The following FAM13B variants were observed in gnomAD, a reference collection of about 807,000 sequenced individuals.
FAM13B encodes family with sequence similarity 13 member B, also known as protein FAM13B.
Under a neutral mutation model 117.3 loss-of-function variants are expected in FAM13B, and 60 were observed. The observed-to-expected ratio is 0.51, with a 90% confidence interval of 0.42 to 0.63. The LOEUF is 0.63. Among genes scored for constraint, FAM13B ranks in the 30% least tolerant of loss-of-function variants. FAM13B has a pLI of 0.00. For missense variants in FAM13B, 972 were observed against 1,091.9 expected (o/e 0.89, Z 1.55); for synonymous variants, 332 against 356.1 (o/e 0.93, Z 0.76).
rs1352352418 is a variant in FAM13B, at chr5:137,985,394, G to A, written c.1047-5C>T. ...ATATCATCAGCAATATCAATCCTAG[G>A]GATGAAGTTTAAAAATCAGATCAGG... On this transcript the variant is annotated splice_polypyrimidine_tract_variant and splice_region_variant and intron_variant, in intron 9 of 23. Transcript: ENST00000689681. 3 of 1,612,388 alleles carry A rather than the reference G, an allele frequency of 1.9e-6. No homozygotes were observed. The highest frequency in any genetic ancestry group is 2.5e-6 in the Non-Finnish European group (3 of 1,179,434).
At chr5:137,999,593 C>G (rs1780706561) in intron 7 of FAM13B, among the ~76,000 whole-genome samples, 1 of 152,070 alleles carries the variant, frequency 6.6e-6, no homozygotes, top group African/African-American at 2.4e-5. Context: ...TTACCCAGTT[C>G]CAAAGCAACT....
At position 137,954,372 on chromosome 5, in the gene FAM13B, T is replaced by C; in HGVS notation, c.1512A>G (p.Pro504=). The C allele has an allele frequency of 5.6e-6, 9 of 1,612,326 alleles. No individual in the cohort carries two copies. Among genetic ancestry groups the C allele is most frequent in the Non-Finnish European group, 7.6e-6 (9 of 1,179,070 alleles). The part of the protein sequence containing the change: ...TMHLQRDGEE[P]FPAFKSWQED... ...CCTGCCAAGACTTAAAAGCAGGAAATGGCTCTATAAAACAAACACAAAGAA... is the reference window on the plus strand; with the variant it reads ...CCTGCCAAGACTTAAAAGCAGGAAACGGCTCTATAAAACAAACACAAAGAA... Residue 504 remains proline (P), a synonymous_variant, in exon 15 of 24, where the codon CCA becomes CCG. Transcript: ENST00000689681.
At chr5:138,040,353 A>G (rs1426662796) in intron 1 of FAM13B, among the ~76,000 whole-genome samples, 2 of 150,852 alleles carry the variant, frequency 1.3e-5, no homozygotes, top group African/African-American at 2.4e-5. Context: ...GCCGATCACA[A>G]GGTCAGGAAT....
rs567855812 is a variant in FAM13B, at chr5:137,962,572, C to A, written c.1180-103G>T. ...TATTAGAATACAGATTAGTCAAACA[C>A]CCCTAATTAGCTATCATTTATAATA... is the stretch of plus-strand genomic sequence containing the variant. On this transcript the variant is annotated intron_variant, in intron 10 of 23. Transcript: ENST00000689681. 58 of 911,762 alleles carry A rather than the reference C, an allele frequency of 6.4e-5. No homozygotes were observed. In the South Asian group the frequency reaches 9.4e-4, roughly 15 times the overall value. The allele number at this position is 911,762 out of a possible 1,614,324, so 56.5% of individuals were successfully genotyped here.
chr5:138,021,173 C>T lies in FAM13B; in HGVS notation c.-178G>A. 1 of 1,231,666 alleles carries T rather than the reference C, an allele frequency of 8.1e-7. No individual in the cohort carries two copies. Among genetic ancestry groups the T allele is most frequent in the Non-Finnish European group, 1.0e-6 (1 of 987,946 alleles). 76.3% of individuals were successfully genotyped at this position (1,231,666 alleles called of 1,614,324 possible). On this transcript the variant is annotated 5_prime_UTR_variant, in exon 2 of 24. Coordinates refer to ENST00000689681, the MANE Select transcript of FAM13B (RefSeq NM_001385994.1). ...AGTTCCTCATTGAAGAAATGCAGAA[C>T]TCGATCAGTACTTCAGCAGTTAATC...
chr5:138,005,776 G>C (rs1021655660), intron 7 of FAM13B, among the ~76,000 whole-genome samples: 1 of 151,970 alleles, frequency 6.6e-6, no homozygotes, highest in African/African-American at 2.4e-5. Context: ...TGTAATAATT[G>C]TGTTTAGCAG....
chr5:137,964,505 G>A (rs1047852949), intron 10 of FAM13B, among the ~76,000 whole-genome samples: 2 of 151,266 alleles, frequency 1.3e-5, no homozygotes, highest in African/African-American at 4.9e-5. Flanking sequence ...CAAATCACTT[G>A]AGATCAGGAG....
In FAM13B at chr5:138,032,319, T is replaced by C. The variant is rs182942659; in HGVS notation, c.-203+463A>G. Among the ~76,000 whole-genome samples the C allele has an allele frequency of 3.0e-3, 450 of 152,300 alleles. 1 individual carries two copies. The highest frequency in any genetic ancestry group is 5.2e-3 in the Non-Finnish European group (356 of 68,032). On this transcript the variant is annotated intron_variant, in intron 1 of 23. Transcript: ENST00000689681. ...ATTTAAGGAAGTCCGCAACCACTCATCTCACGTGACCTTAAAAAGGGGCGC... is the reference window on the plus strand; with the variant it reads ...ATTTAAGGAAGTCCGCAACCACTCACCTCACGTGACCTTAAAAAGGGGCGC...
At position 137,956,512 on chromosome 5, in the gene FAM13B, T is replaced by G. The variant is rs1159307079; in HGVS notation, c.1472A>C (p.Asp491Ala). Reference sequence around the variant, plus strand: ...TCTCTGCAGATGCATTGTTTTGAAATCAATGAGGGGAAAAGTGATAGGGCA... The same window carrying G: ...TCTCTGCAGATGCATTGTTTTGAAAGCAATGAGGGGAAAAGTGATAGGGCA... ...ASCPITFPLI[D>A]FKTMHLQRDG... The change falls in exon 14 of 24, where the codon GAT becomes GCT. Residue 491 changes from aspartate to alanine, a missense_variant. Asp to Ala is a moderately radical substitution (Grantham distance 126, BLOSUM62 -2). Transcript: ENST00000689681. 8 of 1,600,806 alleles carry G rather than the reference T, an allele frequency of 5.0e-6. No homozygotes were observed.
intron 1 of FAM13B, among the ~76,000 whole-genome samples, chr5:138,024,621 G>A (rs1469348999): frequency 1.3e-5 from 2 of 149,732 alleles, no homozygotes; most frequent in African/African-American, 2.4e-5. Flanking sequence ...AGCAGGCACC[G>A]TACAAAAATA....
intron 10 of FAM13B, among the ~76,000 whole-genome samples, chr5:137,982,523 AAAC>A (rs59537285): frequency 2.7e-4 from 38 of 138,238 alleles, no homozygotes; most frequent in Non-Finnish European, 4.9e-4. Flanking sequence ...TCCATCTCAA[AAAC>A]AACAACAACA....
intron 1 of FAM13B, among the ~76,000 whole-genome samples, chr5:138,027,440 A>G (rs1788722549): frequency 6.6e-6 from 1 of 152,204 alleles, no homozygotes; most frequent in Non-Finnish European, 1.5e-5. Flanking sequence ...AAACTAAAAG[A>G]AAATAAACTT....
chr5:137,979,576 T>G (rs1321424085), intron 10 of FAM13B, among the ~76,000 whole-genome samples: 1 of 152,188 alleles, frequency 6.6e-6, no homozygotes, highest in Non-Finnish European at 1.5e-5. Context: ...TCTTCTACTA[T>G]ATATCCTCCC....
intron 7 of FAM13B, among the ~76,000 whole-genome samples, chr5:137,993,064 A>G (rs1779030184): frequency 6.6e-6 from 1 of 152,206 alleles, no homozygotes; most frequent in Non-Finnish European, 1.5e-5. Flanking sequence ...ACACAGTGAA[A>G]AAAATCACCG....
intron 7 of FAM13B, 69 bp downstream of exon 7, chr5:138,006,921 A>C: frequency 7.2e-7 from 1 of 1,394,542 alleles, no homozygotes; most frequent in Admixed American, 2.6e-5. Context: ...TGTGTTTCTG[A>C]ATGCTGGAGT....
chr5:137,997,673 T>C (rs190924802), intron 7 of FAM13B, among the ~76,000 whole-genome samples: 1 of 152,172 alleles, frequency 6.6e-6, no homozygotes, highest in East Asian at 1.9e-4. Flanking sequence ...GAAGACAGCT[T>C]AAATCTTAAC....
At chr5:138,024,816 GAGAGAGAGAGAGAGAGAGAA>G (rs1349929137) in intron 1 of FAM13B, among the ~76,000 whole-genome samples, 7 of 14,298 alleles carry the variant, frequency 4.9e-4, no homozygotes, top group East Asian at 3.2e-3. Flanking sequence ...CACACACAGA[GAGAGAGAGAGAGAGAGAGAA>G]AGAGAGAGAG....
At chr5:137,982,542 A>AACC (rs1443414764) in intron 10 of FAM13B, among the ~76,000 whole-genome samples, 1 of 144,062 alleles carries the variant, frequency 6.9e-6, no homozygotes, top group East Asian at 2.1e-4. Context: ...CAACAACAAC[A>AACC]ACAACCTTCA....
chr5:138,016,114 T>C (rs1417766669), intron 4 of FAM13B, among the ~76,000 whole-genome samples: 1 of 152,208 alleles, frequency 6.6e-6, no homozygotes, highest in African/African-American at 2.4e-5. Context: ...TCCATGAATA[T>C]CAACACAGTA....
Sources: gnomAD v4.1 joint callset for allele counts (sites outside exome capture counted in the v4.1 genomes callset) on GRCh38, gnomAD v4.1.1 for gene constraint, MANE v1.5 for transcripts, NCBI Gene and HGNC (gene_info 2026-07-23, HGNC 2026-07-21) for gene names.